The following DLGAP2 variants were observed in gnomAD, a reference collection of about 807,000 sequenced individuals.
DLGAP2 encodes the protein DLG associated protein 2.
Under a neutral mutation model 100.3 loss-of-function variants are expected in DLGAP2, and 26 were observed. The ratio of observed to expected loss-of-function variants is 0.26; its 90% CI spans 0.19 to 0.36. The LOEUF (loss-of-function observed/expected upper bound fraction) is 0.36. DLGAP2 is among the 10% of genes least tolerant of loss of function. The pLI, the probability that DLGAP2 is intolerant of heterozygous loss-of-function variation, is 1.00. For missense variants in DLGAP2, 1,858 were observed against 1,453.2 expected, an observed-to-expected ratio of 1.28 and a Z score of -4.53; for synonymous variants, 886 against 630.1, an observed-to-expected ratio of 1.41 and a Z score of -6.08.
intron 2 of DLGAP2, among the ~76,000 whole-genome samples, chr8:989,821 C>T (rs1465403553): frequency 2.0e-5 from 3 of 152,104 alleles, no homozygotes; most frequent in Non-Finnish European, 2.9e-5. Flanking sequence ...TAATGACTGG[C>T]TATGTGGCTT....
chr8:1,241,536 G>A (rs1285028672), intron 2 of DLGAP2, among the ~76,000 whole-genome samples: 1 of 152,250 alleles, frequency 6.6e-6, no homozygotes, highest in Non-Finnish European at 1.5e-5. Context: ...AGAGGAAGCA[G>A]AACATGTTTC....
chr8:1,657,364 G>A (rs938526212), intron 8 of DLGAP2, among the ~76,000 whole-genome samples: 2 of 152,176 alleles, frequency 1.3e-5, no homozygotes, highest in South Asian at 4.1e-4. Context: ...AGCTCATAAG[G>A]ATTAGTTGTG....
At position 1,548,755 on chromosome 8, in the gene DLGAP2, T is replaced by G; in HGVS notation, c.302T>G (p.Leu101Arg). ...PPLCSGHTCGLAPPEDCEHLH... is the reference protein window; with the variant it reads ...PPLCSGHTCGRAPPEDCEHLH... ...CTGTGTTCCGGGCACACGTGTGGTC[T>G]GGCGCCCCCGGAGGACTGCGAGCAC... The change falls in exon 5 of 15, where the codon CTG (leucine) becomes CGG (arginine). Residue 101 changes from leucine to arginine, a missense_variant. Physicochemically the swap from Leu to Arg is moderately radical, Grantham distance 102. Transcript: ENST00000637795. 6.2e-7 allele frequency: 1 copy of G among 1,603,098 alleles called. No individual in the cohort carries two copies.
intron 1 of DLGAP2, among the ~76,000 whole-genome samples, chr8:800,850 C>T (rs72621147): frequency 0.097 from 14,794 of 152,092 alleles, 1,280 homozygotes; most frequent in East Asian, 0.52. Flanking sequence ...GGCAGCCCTG[C>T]GTCTCCAAGG....
In DLGAP2 at chr8:1,562,321, G is replaced by A. The variant is rs200858110; in HGVS notation, c.1231-3362G>A. ...GGGACTGTGTGGTGTTGGGGTGTCC[G>A]CGCCTCGTTACTGGGGGACTGTGTG... On this transcript the variant is annotated intron_variant, in intron 5 of 14. Coordinates refer to ENST00000637795, the MANE Select transcript of DLGAP2 (RefSeq NM_001346810.2). 2.4e-4 allele frequency among the ~76,000 whole-genome samples: 7 copies of A among 29,436 alleles called. 1 individual carries two copies. Among genetic ancestry groups the A allele is most frequent in the Non-Finnish European group, 2.5e-4 (4 of 16,078 alleles). The allele number at this position is 29,436 out of a possible 152,430, so 19.3% of individuals were successfully genotyped here.
intron 2 of DLGAP2, among the ~76,000 whole-genome samples, chr8:1,040,687 C>T (rs567560448): frequency 3.3e-5 from 5 of 151,020 alleles, no homozygotes; most frequent in African/African-American, 9.8e-5. Flanking sequence ...GCTCGGTTTC[C>T]GTGGTCGGCT....
At chr8:1,156,860 C>A (rs1170637335) in intron 2 of DLGAP2, among the ~76,000 whole-genome samples, 8 of 152,186 alleles carry the variant, frequency 5.3e-5, no homozygotes, top group Admixed American at 3.9e-4. Flanking sequence ...TAGAAAGGTT[C>A]TGATTTCCAC....
intron 2 of DLGAP2, among the ~76,000 whole-genome samples, chr8:989,059 G>T (rs1386228372): frequency 6.6e-6 from 1 of 152,212 alleles, no homozygotes; most frequent in South Asian, 2.1e-4. Context: ...TTGGCCAGGA[G>T]ACTGTTTTAA....
chr8:1,347,202 G>A (rs1182901084), intron 3 of DLGAP2, among the ~76,000 whole-genome samples: 2 of 151,670 alleles, frequency 1.3e-5, no homozygotes, highest in Non-Finnish European at 2.9e-5. Context: ...GCTGTGTGGA[G>A]GTAGAGTTCC....
rs571771101 is a variant in DLGAP2, at chr8:1,368,182, A to G, written c.106+109299A>G. 3.8e-4 allele frequency among the ~76,000 whole-genome samples: 57 copies of G among 151,910 alleles called. No individual in the cohort carries two copies. The East Asian group carries it at 6.8e-3, about 18-fold the overall frequency. On this transcript the variant is annotated intron_variant, in intron 3 of 14. Transcript: ENST00000637795. ...CACATACGTGTGCATGTGTGTGTGT[A>G]TGTGCACGTGTGTGTACGTGTGTGT...
chr8:1,641,919 T>TGGAACCCACCGGTCCC (rs1797914581), intron 8 of DLGAP2, among the ~76,000 whole-genome samples: 7 of 102,876 alleles, frequency 6.8e-5, no homozygotes, highest in African/African-American at 3.0e-4. Context: ...CCGCCGGCCC[T>TGGAACCCACCGGTCCC]CACCTGTGTC....
At chr8:1,578,101 A>C (rs1335529733) in intron 6 of DLGAP2, among the ~76,000 whole-genome samples, 2 of 152,242 alleles carry the variant, frequency 1.3e-5, no homozygotes, top group East Asian at 3.8e-4. Context: ...GATACAGTGC[A>C]CTGAGTGTTT....
chr8:1,337,422 G>A (rs1235672010), intron 3 of DLGAP2, among the ~76,000 whole-genome samples: 4 of 97,122 alleles, frequency 4.1e-5, no homozygotes, highest in Non-Finnish European at 4.9e-5. Flanking sequence ...TGGTGAGGAT[G>A]ATGGTGATGG....
intron 3 of DLGAP2, among the ~76,000 whole-genome samples, chr8:1,305,247 G>A (rs1800463503): frequency 6.6e-6 from 1 of 152,208 alleles, no homozygotes; most frequent in Admixed American, 6.5e-5. Context: ...AGGGAGTTGT[G>A]AAAATGAGAG....
chr8:840,376 T>C lies in DLGAP2; in HGVS notation c.19-67536T>C, dbSNP rs868039380. ...GTCTACACGGTGCACGCCTGCACGTTTCCCTACACTCTGGATTCTGCGAGC... is the reference window on the plus strand; with the variant it reads ...GTCTACACGGTGCACGCCTGCACGTCTCCCTACACTCTGGATTCTGCGAGC... On this transcript the variant is annotated intron_variant, in intron 1 of 14. Coordinates refer to ENST00000637795, the MANE Select transcript of DLGAP2 (RefSeq NM_001346810.2). Among the ~76,000 whole-genome samples, 283 of 47,988 alleles carry C rather than the reference T, an allele frequency of 5.9e-3. 2 individuals carry two copies. The highest frequency in any genetic ancestry group is 0.016 in the Middle Eastern group (1 of 62). The allele number at this position is 47,988 out of a possible 152,430, so 31.5% of individuals were successfully genotyped here.
At chr8:1,374,351 G>A (rs1802338816) in intron 3 of DLGAP2, among the ~76,000 whole-genome samples, 1 of 151,822 alleles carries the variant, frequency 6.6e-6, no homozygotes, top group Admixed American at 6.6e-5. Context: ...ACCCATGTTC[G>A]GCACGGGTCC....
intron 3 of DLGAP2, among the ~76,000 whole-genome samples, chr8:1,384,209 G>T (rs919697218): frequency 6.6e-6 from 1 of 152,266 alleles, no homozygotes; most frequent in African/African-American, 2.4e-5. Flanking sequence ...AAGTGGCCTT[G>T]GATGCCATTT....
intron 2 of DLGAP2, among the ~76,000 whole-genome samples, chr8:985,430 T>C (rs1259169221): frequency 3.9e-5 from 6 of 152,214 alleles, no homozygotes; most frequent in Non-Finnish European, 8.8e-5. Context: ...CCTCATGGTG[T>C]TGTCAGGATT....
chr8:1,525,841 C>T (rs937243190), intron 4 of DLGAP2, among the ~76,000 whole-genome samples: 6 of 152,152 alleles, frequency 3.9e-5, no homozygotes, highest in Non-Finnish European at 7.3e-5. Context: ...GGCCTCATCT[C>T]CTGTGTGACG....
Sources: gnomAD v4.1 joint callset for allele counts (sites outside exome capture counted in the v4.1 genomes callset) on GRCh38, gnomAD v4.1.1 for gene constraint, MANE v1.5 for transcripts, NCBI Gene and HGNC (gene_info 2026-07-23, HGNC 2026-07-21) for gene names.